RNGTT: variants seen among roughly 807,000 people sequenced by gnomAD.
RNGTT encodes RNA guanylyltransferase and 5'-phosphatase.
In RNGTT, 33 loss-of-function variants were observed where a neutral mutation model predicts 79.3. The observed-to-expected ratio is 0.42, with a 90% CI of 0.32 to 0.56. RNGTT has a LOEUF of 0.56. Among genes scored for constraint, RNGTT ranks in the 20% least tolerant of loss-of-function variants. The probability of loss-of-function intolerance (pLI) is 0.17; values close to 1 mark genes in which losing one functional copy is unlikely to be tolerated. For synonymous variants in RNGTT, 222 were observed against 235.9 expected (o/e 0.94, Z 0.54); for missense variants, 497 against 739.1 (o/e 0.67, Z 3.80).
At chr6:88,933,080 TG>T (rs1225435264) in intron 2 of RNGTT, among the ~76,000 whole-genome samples, 2 of 152,046 alleles carry the variant, frequency 1.3e-5, no homozygotes, top group African/African-American at 4.8e-5. Context: ...CTTTCCCCCT[TG>T]GGTCCCCACA....
At chr6:88,950,537 G>C (rs1448430249) in intron 1 of RNGTT, among the ~76,000 whole-genome samples, 2 of 152,164 alleles carry the variant, frequency 1.3e-5, no homozygotes, top group African/African-American at 2.4e-5. Context: ...TGATTCATAG[G>C]AGAAAGTCAA....
rs74831457 is a variant in RNGTT, at chr6:88,762,002, A to G, written c.1439+7772T>C. On this transcript the variant is annotated intron_variant, in intron 13 of 15. Coordinates refer to ENST00000369485, the MANE Select transcript of RNGTT (RefSeq NM_003800.5). ...AATCTAATAAAAAAATTATAATCCA[A>G]AAGAAAGAACACCCAGACCACTAGG... 9.0e-3 allele frequency among the ~76,000 whole-genome samples: 1,371 copies of G among 152,184 alleles called. 20 individuals carry two copies. Among genetic ancestry groups the G allele is most frequent in the African/African-American group, 0.031 (1,287 of 41,526 alleles).
chr6:88,841,650 C>T (rs62428972), intron 11 of RNGTT, among the ~76,000 whole-genome samples: 1,619 of 152,270 alleles, frequency 0.011, 14 homozygotes, highest in Non-Finnish European at 0.016. Context: ...TTCTTGGATG[C>T]CACGTGCAAT....
intron 12 of RNGTT, among the ~76,000 whole-genome samples, chr6:88,791,802 G>C (rs934954900): frequency 6.6e-6 from 1 of 152,160 alleles, no homozygotes; most frequent in African/African-American, 2.4e-5. Flanking sequence ...GCCTCCCAAA[G>C]TGCTGCGATT....
At chr6:88,810,169 A>G (rs565306048) in intron 11 of RNGTT, among the ~76,000 whole-genome samples, 1 of 152,336 alleles carries the variant, frequency 6.6e-6, no homozygotes, top group African/African-American at 2.4e-5. Flanking sequence ...GAATTTCATA[A>G]TCTCAGATAT....
At chr6:88,872,610 C>G (rs2127921780) in intron 8 of RNGTT, among the ~76,000 whole-genome samples, 1 of 152,230 alleles carries the variant, frequency 6.6e-6, no homozygotes, top group African/African-American at 2.4e-5. Flanking sequence ...AACCACACTG[C>G]TCCCAAGAAA....
chr6:88,948,836 A>G (rs1431530004), intron 1 of RNGTT, among the ~76,000 whole-genome samples: 1 of 93,988 alleles, frequency 1.1e-5, no homozygotes, highest in South Asian at 4.4e-4. Context: ...TCTCTGAAAC[A>G]TGTGCTGTGT....
intron 14 of RNGTT, among the ~76,000 whole-genome samples, chr6:88,634,771 C>T (rs1229541427): frequency 6.6e-6 from 1 of 151,610 alleles, no homozygotes; most frequent in Non-Finnish European, 1.5e-5. Flanking sequence ...TAAAATATAA[C>T]TTAAAAAATA....
At chr6:88,630,276 C>T (rs1162155458) in intron 14 of RNGTT, among the ~76,000 whole-genome samples, 1 of 152,188 alleles carries the variant, frequency 6.6e-6, no homozygotes, top group Non-Finnish European at 1.5e-5. Context: ...CAGTGGATCG[C>T]CTCCTGGTAC....
intron 12 of RNGTT, among the ~76,000 whole-genome samples, chr6:88,796,102 T>C (rs1292021316): frequency 6.6e-6 from 1 of 152,242 alleles, no homozygotes; most frequent in Non-Finnish European, 1.5e-5. Flanking sequence ...AAATTCCCAC[T>C]GGATTTCAAA....
intron 4 of RNGTT, among the ~76,000 whole-genome samples, chr6:88,919,158 T>C (rs1784086665): frequency 6.6e-6 from 1 of 152,188 alleles, no homozygotes. Context: ...TAATTAGGTA[T>C]ACTACAAGCT....
intron 12 of RNGTT, among the ~76,000 whole-genome samples, chr6:88,795,956 A>G (rs1399325484): frequency 6.6e-6 from 1 of 152,170 alleles, no homozygotes; most frequent in Non-Finnish European, 1.5e-5. Flanking sequence ...TCACAAATGA[A>G]TCATGTACAA....
At chr6:88,857,362 T>C (rs1781875666) in intron 8 of RNGTT, among the ~76,000 whole-genome samples, 1 of 152,102 alleles carries the variant, frequency 6.6e-6, no homozygotes, top group African/African-American at 2.4e-5. Context: ...TGATCATCAA[T>C]TCAGGAATTT....
intron 13 of RNGTT, among the ~76,000 whole-genome samples, chr6:88,730,483 G>GCA (rs1777071463): frequency 6.6e-6 from 1 of 152,156 alleles, no homozygotes; most frequent in Non-Finnish European, 1.5e-5. Flanking sequence ...CTGTAAGGGC[G>GCA]CACCCTTCTA....
intron 14 of RNGTT, among the ~76,000 whole-genome samples, chr6:88,648,423 T>C (rs1462155522): frequency 1.3e-5 from 2 of 151,824 alleles, no homozygotes; most frequent in African/African-American, 4.8e-5. Flanking sequence ...TGTATACATA[T>C]GTAACAAACT....
intron 14 of RNGTT, among the ~76,000 whole-genome samples, chr6:88,630,439 A>G (rs1275947694): frequency 6.6e-6 from 1 of 152,204 alleles, no homozygotes; most frequent in African/African-American, 2.4e-5. Flanking sequence ...CTAAATTTGC[A>G]TATAGTCATG....
At chr6:88,630,054 C>T (rs988216408) in intron 14 of RNGTT, among the ~76,000 whole-genome samples, 8 of 152,164 alleles carry the variant, frequency 5.3e-5, no homozygotes, top group African/African-American at 1.9e-4. Flanking sequence ...ACACCGGCAA[C>T]CCTGAGTTCC....
chr6:88,775,713 G>T (rs1310672713), intron 12 of RNGTT, among the ~76,000 whole-genome samples: 1 of 152,188 alleles, frequency 6.6e-6, no homozygotes, highest in Admixed American at 6.5e-5. Context: ...TAACCAAGTA[G>T]CTTCATAATA....
intron 13 of RNGTT, among the ~76,000 whole-genome samples, chr6:88,695,027 C>T (rs1031126402): frequency 1.3e-5 from 2 of 151,916 alleles, no homozygotes; most frequent in African/African-American, 4.8e-5. Context: ...CAAACTAAGA[C>T]AAAGACTTAA....
Sources: allele counts gnomAD v4.1 joint callset (sites outside exome capture counted in the v4.1 genomes callset), GRCh38; gene constraint gnomAD v4.1.1; transcripts MANE v1.5; gene names NCBI Gene and HGNC (gene_info 2026-07-23, HGNC 2026-07-21).